The following FAM234A variants were observed in gnomAD, a reference collection of about 807,000 sequenced individuals.
The protein encoded by FAM234A is protein FAM234A.
Under a neutral mutation model 49.1 loss-of-function variants are expected in FAM234A, and 42 were observed. The observed-to-expected ratio is 0.86, with a 90% CI of 0.67 to 1.11. The LOEUF is 1.11. Ranked by LOEUF, FAM234A falls within the 50% of genes least tolerant of loss-of-function variation. FAM234A has a pLI of 0.00. For missense variants in FAM234A, 815 were observed against 745.2 expected (o/e 1.09, Z -1.09); for synonymous variants, 369 against 316.2 (o/e 1.17, Z -1.77).
At chr16:262,894 A>G (rs1216728715) in intron 8 of FAM234A, among the ~76,000 whole-genome samples, 1 of 142,512 alleles carries the variant, frequency 7.0e-6, no homozygotes, top group Non-Finnish European at 1.5e-5. Context: ...ATCTCGGTTC[A>G]CTGCAACCTC....
chr16:250,320 C>A (rs1166353410), intron 2 of FAM234A, among the ~76,000 whole-genome samples: 1 of 152,172 alleles, frequency 6.6e-6, no homozygotes, highest in Non-Finnish European at 1.5e-5. Context: ...CCTCTTCTTC[C>A]AGCCCTGGCC....
At chr16:261,331 T>C (rs2051456622) in intron 5 of FAM234A, 53 bp from the exon 6 acceptor site, 1 of 1,582,110 alleles carries the variant, frequency 6.3e-7, no homozygotes, top group Non-Finnish European at 8.6e-7. Flanking sequence ...GTTGCCGGGC[T>C]GCTGTTGAAG....
intron 2 of FAM234A, among the ~76,000 whole-genome samples, chr16:250,436 G>C (rs188514368): frequency 1.2e-4 from 18 of 152,002 alleles, no homozygotes; most frequent in Non-Finnish European, 2.4e-4. Context: ...CCACCCCCAT[G>C]CCAGCTGCTT....
At position 262,413 on chromosome 16, in the gene FAM234A, G is replaced by A; in HGVS notation, c.842-11G>A. 6.3e-7 allele frequency: 1 copy of A among 1,591,394 alleles called. No homozygotes were observed. The highest frequency in any genetic ancestry group is 8.6e-7 in the Non-Finnish European group (1 of 1,168,040). ...CCCTGGTGACCTCGGGCCCTTCTGTGTTTTGAATAGCAAGCTCCCTCTGCG... is the reference window on the plus strand; with the variant it reads ...CCCTGGTGACCTCGGGCCCTTCTGTATTTTGAATAGCAAGCTCCCTCTGCG... On this transcript the variant is annotated splice_polypyrimidine_tract_variant and intron_variant, in intron 7 of 12. Coordinates refer to ENST00000399932, the MANE Select transcript of FAM234A (RefSeq NM_032039.4).
Position 263,287 on chromosome 16 carries a change from C to G in FAM234A, c.997C>G (p.His333Asp). 1 of 1,613,068 alleles carries G rather than the reference C, an allele frequency of 6.2e-7. No homozygotes were observed. Among genetic ancestry groups the G allele is most frequent in the South Asian group, 1.1e-5 (1 of 91,090 alleles). Residue 333 changes from histidine to aspartate, a missense_variant, in exon 9 of 13, where the codon CAT becomes GAT. His to Asp is a moderately conservative substitution (Grantham distance 81, BLOSUM62 -1). Transcript: ENST00000399932. ...HSSGAVRYLM[H>D]VPGNAGADVL... ...CTCTGGAGCAGTGCGCTACCTGATG[C>G]ATGTCCCAGGGAACGCCGGTGCAGA...
intron 1 of FAM234A, among the ~76,000 whole-genome samples, chr16:246,417 CTTTTTTTTTT>C (rs1183467460): frequency 8.9e-5 from 6 of 67,296 alleles, no homozygotes; most frequent in African/African-American, 4.3e-4. Flanking sequence ...TAGGTGGTGG[CTTTTTTTTTT>C]TTTTTTTTTT....
At chr16:268,417 G>A (rs957225070), downstream of FAM234A, 4 of 345,866 alleles carry the variant, frequency 1.2e-5, no homozygotes, top group African/African-American at 8.3e-5. Context: ...CTACCGCCGA[G>A]AGAGTTGAAG....
chr16:266,707 C>T (rs747627059), downstream of FAM234A, among the ~76,000 whole-genome samples: 9 of 152,168 alleles, frequency 5.9e-5, no homozygotes, highest in African/African-American at 1.2e-4. Context: ...TGGGTGCCCT[C>T]GTGCCAGGAA....
rs1388073472 is a variant in FAM234A at position 254,679 on chromosome 16, C to G, written c.266C>G (p.Ala89Gly). The G allele has an allele frequency of 6.2e-7, 1 of 1,612,954 alleles. No individual in the cohort carries two copies. The highest frequency in any genetic ancestry group is 8.5e-7 in the Non-Finnish European group (1 of 1,179,666). ...ATGTGGAGGATAGACTACAGTGCCG[C>G]TGGTGAGCCTCGGCTTCCCCGCCCA... ...QRMWRIDYSA[A>G]VIYDFLAVDD... The change falls in exon 3 of 13, where the codon GCT becomes GGT. Residue 89 changes from alanine (A) to glycine (G), a missense_variant and splice_region_variant. Transcript: ENST00000399932.
rs572330352 is a variant in FAM234A, at chr16:258,051, T to A, written c.269-1432T>A. 1.6e-4 allele frequency among the ~76,000 whole-genome samples: 25 copies of A among 152,054 alleles called. No homozygotes were observed. The South Asian group carries it at 4.8e-3, about 29-fold the overall frequency. ...TTCTGTATTTTTAGTAGAGAAGGTT[T>A]CACCGTATTAGCCAGGCTTGTCTCG... is the stretch of plus-strand genomic sequence containing the variant. On this transcript the variant is annotated intron_variant, in intron 3 of 12. Transcript: ENST00000399932.
Position 263,295 on chromosome 16 carries a change from A to G in FAM234A, c.1005A>G (p.Pro335=), listed in dbSNP as rs758117825. The change falls in exon 9 of 13, where the codon CCA becomes CCG. Residue 335 remains proline (P), a synonymous_variant. Transcript: ENST00000399932. ...SGAVRYLMHV[P]GNAGADVLLV... is the part of the protein sequence containing the mutation. ...CAGTGCGCTACCTGATGCATGTCCC[A>G]GGGAACGCCGGTGCAGATGTGCTTC... 2 of 1,613,142 alleles carry G rather than the reference A, an allele frequency of 1.2e-6. No homozygotes were observed. The highest frequency in any genetic ancestry group is 1.7e-6 in the Non-Finnish European group (2 of 1,179,994).
chr16:263,877 A>T lies in FAM234A; in HGVS notation c.1188+102A>T. 4 of 1,392,086 alleles carry T rather than the reference A, an allele frequency of 2.9e-6. No individual in the cohort carries two copies. In the Admixed American group the frequency reaches 6.8e-5, roughly 24 times the overall value. 86.2% of individuals were successfully genotyped at this position (1,392,086 alleles called of 1,614,324 possible). A position where few individuals can be genotyped will look rare whatever the true frequency, so the allele number is the denominator to read the frequency against. The stretch of plus-strand genomic sequence containing the variant: ...CGGCCCAGGAGGCTGCTGCCGTCAG[A>T]GCTGCTGAGAAGGTTCTGCCTCCCT... On this transcript the variant is annotated intron_variant, in intron 10 of 12. Transcript: ENST00000399932.
chr16:254,440 C>T lies in FAM234A; in HGVS notation c.27C>T (p.Ala9=), dbSNP rs2051145669. The T allele has an allele frequency of 1.2e-6, 2 of 1,613,942 alleles. No homozygotes were observed. The highest frequency in any genetic ancestry group is 1.7e-6 in the Non-Finnish European group (2 of 1,180,038). MLDHKDLE[A]EIHPLKNEER... The stretch of plus-strand genomic sequence containing the variant: ...TGTTGGACCACAAGGACTTAGAGGC[C>T]GAAATCCACCCCTTGAAAAATGAAG... The change falls in exon 3 of 13, where the codon GCC becomes GCT. Residue 9 remains alanine (A), a synonymous_variant. Coordinates refer to ENST00000399932, the MANE Select transcript of FAM234A (RefSeq NM_032039.4).
At position 251,089 on chromosome 16, in the gene FAM234A, T is replaced by C. The variant is rs2050984184; in HGVS notation, c.-34+1435T>C. ...CTCCTGCCTCAGCCTCCCGAGTAGCTGGGATTACAAGCGCCTGCCACCATG... is the reference window on the plus strand; with the variant it reads ...CTCCTGCCTCAGCCTCCCGAGTAGCCGGGATTACAAGCGCCTGCCACCATG... On this transcript the variant is annotated intron_variant, in intron 2 of 12. Transcript: ENST00000399932. Among the ~76,000 whole-genome samples the C allele has an allele frequency of 2.0e-5, 3 of 152,290 alleles. No individual in the cohort carries two copies. The South Asian group carries it at 6.2e-4, about 32-fold the overall frequency.
At chr16:248,946 A>G (rs943043882) in intron 1 of FAM234A, among the ~76,000 whole-genome samples, 2 of 151,998 alleles carry the variant, frequency 1.3e-5, no homozygotes, top group South Asian at 2.1e-4. Context: ...TATATTTATT[A>G]CTGATTTTTT....
In FAM234A at chr16:263,122, T is replaced by C. The variant is rs894386699; in HGVS notation, c.972-140T>C. ...CATGAGCCACCGCGCCCAGCTCTTC[T>C]CTTTTCAAGCTGTAGAACTGAGAAA... is the stretch of plus-strand genomic sequence containing the variant. On this transcript the variant is annotated intron_variant, in intron 8 of 12. Coordinates refer to ENST00000399932, the MANE Select transcript of FAM234A (RefSeq NM_032039.4). 2.7e-6 allele frequency: 3 copies of C among 1,093,494 alleles called. No individual in the cohort carries two copies. In the African/African-American group the frequency reaches 4.7e-5, roughly 17 times the overall value. The allele number at this position is 1,093,494 out of a possible 1,614,324, so 67.7% of individuals were successfully genotyped here.
At chr16:266,509 C>T (rs955497459), downstream of FAM234A, among the ~76,000 whole-genome samples, 5 of 152,200 alleles carry the variant, frequency 3.3e-5, no homozygotes, top group South Asian at 4.1e-4. Flanking sequence ...AGGGGCTTCC[C>T]GGAGATGCAG....
At chr16:255,636 G>T (rs1200495514) in intron 3 of FAM234A, among the ~76,000 whole-genome samples, 1 of 152,078 alleles carries the variant, frequency 6.6e-6, no homozygotes, top group Non-Finnish European at 1.5e-5. Context: ...CCTAGCCCTG[G>T]GCAACCTAGT....
At chr16:243,871 G>A (rs1310640446) in intron 1 of FAM234A, among the ~76,000 whole-genome samples, 2 of 152,142 alleles carry the variant, frequency 1.3e-5, no homozygotes, top group Admixed American at 1.3e-4. Context: ...CTTTGGAGAC[G>A]ACCCCTTTTA....
Sources: allele counts gnomAD v4.1 joint callset (sites outside exome capture counted in the v4.1 genomes callset), GRCh38; gene constraint gnomAD v4.1.1; transcripts MANE v1.5; gene names NCBI Gene and HGNC (gene_info 2026-07-23, HGNC 2026-07-21).